Variants in GSE1 observed in about 807,000 individuals in gnomAD.
GSE1 encodes the protein genetic suppressor element 1.
GSE1 carries 32 observed loss-of-function variants against 112.6 expected under a neutral mutation model. The ratio of observed to expected loss-of-function variants is 0.28; its 90% confidence interval spans 0.21 to 0.38. The LOEUF (loss-of-function observed/expected upper bound fraction) is 0.38. Among genes scored for constraint, GSE1 ranks in the 10% least tolerant of loss-of-function variants. The pLI, the probability that GSE1 is intolerant of heterozygous loss-of-function variation, is 1.00. For synonymous variants in GSE1, 1,115 were observed against 735.6 expected, an observed-to-expected ratio of 1.52 and a Z score of -8.35; for missense variants, 2,348 against 1,699.2, an observed-to-expected ratio of 1.38 and a Z score of -6.71.
At chr16:85,265,951 G>A (rs762187316) in intron 1 of GSE1, among the ~76,000 whole-genome samples, 6 of 152,290 alleles carry the variant, frequency 3.9e-5, no homozygotes, top group African/African-American at 1.2e-4. Flanking sequence ...GGTTCTGCCC[G>A]AGAATGTTTG....
At chr16:85,512,482 C>T (rs138225026) in intron 2 of GSE1, among the ~76,000 whole-genome samples, 301 of 152,322 alleles carry the variant, frequency 2.0e-3, no homozygotes, top group Middle Eastern at 3.4e-3. Context: ...GATGGGAACC[C>T]CACGCTTCAA....
At chr16:85,574,856 T>A (rs374942673) in intron 1 of GSE1, among the ~76,000 whole-genome samples, 1 of 152,222 alleles carries the variant, frequency 6.6e-6, no homozygotes. Flanking sequence ...GGCTCCCTGC[T>A]GGAGCCTGCC....
chr16:85,613,143 T>A, upstream of GSE1: 39 of 1,168,162 alleles, frequency 3.3e-5, no homozygotes, highest in Non-Finnish European at 3.9e-5. Flanking sequence ...ACCCGACACC[T>A]CCCGCTGGCT....
chr16:85,446,622 G>A (rs1309018608), intron 2 of GSE1, among the ~76,000 whole-genome samples: 1 of 152,158 alleles, frequency 6.6e-6, no homozygotes, highest in East Asian at 1.9e-4. Flanking sequence ...ACCCCTATGG[G>A]GTGTGGGTGG....
At chr16:85,506,511 C>G (rs1002653637) in intron 2 of GSE1, among the ~76,000 whole-genome samples, 1 of 152,062 alleles carries the variant, frequency 6.6e-6, no homozygotes, top group Non-Finnish European at 1.5e-5. Context: ...GCCAGAAGAG[C>G]AGGGCCCGCT....
At chr16:85,187,793 C>T (rs2074738018) in intron 1 of GSE1, among the ~76,000 whole-genome samples, 2 of 152,218 alleles carry the variant, frequency 1.3e-5, no homozygotes, top group South Asian at 2.1e-4. Context: ...CACGTGAAGC[C>T]ATAGCCGAGG....
intron 1 of GSE1, chr16:85,594,037 T>C (rs1336196371): frequency 1.3e-5 from 2 of 152,090 alleles, no homozygotes; most frequent in African/African-American, 2.4e-5. Context: ...TCGCCATTCA[T>C]TACCCGGCTT....
intron 1 of GSE1, among the ~76,000 whole-genome samples, chr16:85,625,392 G>A (rs1232275491): frequency 1.3e-5 from 2 of 152,154 alleles, no homozygotes; most frequent in Admixed American, 1.3e-4. Context: ...TGCTGTCCGC[G>A]GGTCCCCAGA....
intron 2 of GSE1, among the ~76,000 whole-genome samples, chr16:85,369,879 C>T (rs961491850): frequency 6.6e-6 from 1 of 152,232 alleles, no homozygotes; most frequent in African/African-American, 2.4e-5. Flanking sequence ...CTCAGCCTCA[C>T]GGTCATTCTG....
chr16:85,566,530 A>C (rs2045754804), intron 1 of GSE1, among the ~76,000 whole-genome samples: 2 of 152,008 alleles, frequency 1.3e-5, no homozygotes, highest in Admixed American at 1.3e-4. Context: ...CTCAGCGGAG[A>C]ATTTCTTTGT....
chr16:85,215,012 C>A (rs1170501407), intron 1 of GSE1, among the ~76,000 whole-genome samples: 2 of 152,182 alleles, frequency 1.3e-5, no homozygotes, highest in Admixed American at 1.3e-4. Flanking sequence ...CAAGGCCCAG[C>A]TAGAGTGCCC....
chr16:85,254,713 A>G (rs2144053690), intron 1 of GSE1, among the ~76,000 whole-genome samples: 1 of 152,324 alleles, frequency 6.6e-6, no homozygotes, highest in South Asian at 2.1e-4. Context: ...CTGATTTGAA[A>G]TGGGAGGGTC....
chr16:85,579,657 C>T (rs958893192), intron 1 of GSE1, among the ~76,000 whole-genome samples: 2 of 152,194 alleles, frequency 1.3e-5, no homozygotes, highest in East Asian at 1.9e-4. Context: ...GTGCGGCCTC[C>T]CGTCTCTCTT....
chr16:85,386,515 C>T (rs946874840), intron 2 of GSE1, among the ~76,000 whole-genome samples: 5 of 152,204 alleles, frequency 3.3e-5, no homozygotes, highest in Non-Finnish European at 4.4e-5. Context: ...GCCTCAGAAG[C>T]GGTGTCTGTG....
chr16:85,235,304 G>T (rs117321343), intron 1 of GSE1, among the ~76,000 whole-genome samples: 2 of 151,648 alleles, frequency 1.3e-5, no homozygotes, highest in Admixed American at 1.3e-4. Context: ...CCACTGCTGG[G>T]GGGTGACGGC....
intron 2 of GSE1, among the ~76,000 whole-genome samples, chr16:85,364,112 C>G (rs1473577784): frequency 6.6e-6 from 1 of 152,234 alleles, no homozygotes; most frequent in African/African-American, 2.4e-5. Context: ...TGGGCAGGGC[C>G]TGTTCCTTCT....
intron 2 of GSE1, among the ~76,000 whole-genome samples, chr16:85,527,743 C>T (rs1023298543): frequency 1.3e-5 from 2 of 152,204 alleles, no homozygotes; most frequent in African/African-American, 4.8e-5. Context: ...AGAGAGCGCA[C>T]GGGCTTGCCC....
chr16:85,354,409 A>G (rs1179354726), intron 1 of GSE1, among the ~76,000 whole-genome samples: 1 of 152,262 alleles, frequency 6.6e-6, no homozygotes, highest in Non-Finnish European at 1.5e-5. Context: ...TGCCTGGCAC[A>G]TAGTAGGTGC....
rs189100189 is a variant in GSE1, at chr16:85,448,879, G to A, written c.2464+91236G>A. On this transcript the variant is annotated intron_variant, in intron 2 of 2. Transcript: ENST00000637419. ...GAGAAATCGGTAATGAAGTGCAGCTGTGAACTCCGGTTTTGGGTCAGAAAG... is the reference window on the plus strand; with the variant it reads ...GAGAAATCGGTAATGAAGTGCAGCTATGAACTCCGGTTTTGGGTCAGAAAG... 1.3e-4 allele frequency among the ~76,000 whole-genome samples: 20 copies of A among 152,356 alleles called. No individual in the cohort carries two copies. In the East Asian group the frequency reaches 3.7e-3, roughly 28 times the overall value.
Sources: gnomAD v4.1 joint callset for allele counts (sites outside exome capture counted in the v4.1 genomes callset) on GRCh38, gnomAD v4.1.1 for gene constraint, MANE v1.5 for transcripts, NCBI Gene and HGNC (gene_info 2026-07-23, HGNC 2026-07-21) for gene names.